Variants in FER1L6 observed in about 807,000 individuals in gnomAD.
FER1L6 encodes the protein fer-1 like family member 6.
A neutral mutation model predicts 219.2 loss-of-function variants in FER1L6; 177 were observed. The ratio of observed to expected loss-of-function variants is 0.81; its 90% CI spans 0.71 to 0.91. The LOEUF (loss-of-function observed/expected upper bound fraction) is 0.91, where lower values mean the gene tolerates loss of function less well. Ranked by LOEUF, FER1L6 falls within the 40% of genes least tolerant of loss-of-function variation. FER1L6 has a pLI of 0.00. For synonymous variants in FER1L6, 768 were observed against 824.3 expected, an observed-to-expected ratio of 0.93 and a Z score of 1.17; for missense variants, 2,153 against 2,259.9, an observed-to-expected ratio of 0.95 and a Z score of 0.96.
At chr8:124,003,434 C>T (rs1817508792) in intron 13 of FER1L6, 87 bp downstream of exon 13, 2 of 311,792 alleles carry the variant, frequency 6.4e-6, no homozygotes, top group Non-Finnish European at 6.1e-6. Flanking sequence ...CAGTTCTTCA[C>T]TAAAATCAGA....
intron 1 of FER1L6, among the ~76,000 whole-genome samples, chr8:123,953,193 G>A (rs994734963): frequency 6.6e-6 from 1 of 152,156 alleles, no homozygotes; most frequent in Non-Finnish European, 1.5e-5. Context: ...TGGGAGTCAT[G>A]CTGGGTGTGC....
chr8:124,031,842 G>A (rs557098182), intron 18 of FER1L6, among the ~76,000 whole-genome samples: 2 of 152,300 alleles, frequency 1.3e-5, no homozygotes, highest in East Asian at 3.9e-4. Flanking sequence ...AATTAAAAAT[G>A]GGATCCTGTT....
chr8:123,938,971 T>TTA (rs1412954789), intron 1 of FER1L6, among the ~76,000 whole-genome samples: 1 of 152,266 alleles, frequency 6.6e-6, no homozygotes, highest in Non-Finnish European at 1.5e-5. Context: ...AAGAGTACAC[T>TTA]GTTCGAGGGT....
chr8:124,035,218 G>T, intron 18 of FER1L6, 59 bp from the exon 19 acceptor site: 1 of 1,547,024 alleles, frequency 6.5e-7, no homozygotes, highest in Non-Finnish European at 8.8e-7. Flanking sequence ...TTTCTCAAAA[G>T]GGGAGGCCTA....
chr8:124,024,553 T>C (rs1818621441), intron 18 of FER1L6, among the ~76,000 whole-genome samples: 1 of 152,218 alleles, frequency 6.6e-6, no homozygotes, highest in South Asian at 2.1e-4. Context: ...TTTTTATGAC[T>C]GAGTCATATT....
At chr8:124,060,382 G>A (rs368420633) in intron 23 of FER1L6, 92 bp downstream of exon 23, 2 of 1,432,168 alleles carry the variant, frequency 1.4e-6, no homozygotes, top group Middle Eastern at 1.8e-4. Flanking sequence ...GAATGGGCGG[G>A]AGACCTAGAG....
Position 124,066,432 on chromosome 8 carries a change from C to A in FER1L6, c.3560C>A (p.Pro1187His). Residue 1187 changes from proline to histidine, a missense_variant, in exon 27 of 41, where the codon CCC becomes CAC. Transcript: ENST00000522917. ...EPPKDGKPKD[P>H]RKPSRRSTKR... ...CATTCCCTCATCCCTTGCCAGGATC[C>A]CAGGAAGCCTTCCCGGAGGTCCACT... 6.2e-7 allele frequency: 1 copy of A among 1,613,566 alleles called. No individual in the cohort carries two copies. The highest frequency in any genetic ancestry group is 2.2e-5 in the East Asian group (1 of 44,854).
intron 1 of FER1L6, among the ~76,000 whole-genome samples, chr8:123,953,869 G>A (rs1563704703): frequency 6.6e-6 from 1 of 152,142 alleles, no homozygotes; most frequent in Non-Finnish European, 1.5e-5. Flanking sequence ...TAGGTCCCTG[G>A]CTTGGGAACG....
chr8:124,052,122 A>G (rs1220577020), intron 22 of FER1L6, among the ~76,000 whole-genome samples: 1 of 152,262 alleles, frequency 6.6e-6, no homozygotes, highest in East Asian at 1.9e-4. Flanking sequence ...TGTGTTGCAC[A>G]GTAAAATGGA....
intron 1 of FER1L6, among the ~76,000 whole-genome samples, chr8:123,878,124 A>G (rs1337931499): frequency 6.6e-6 from 1 of 152,108 alleles, no homozygotes; most frequent in Non-Finnish European, 1.5e-5. Context: ...AAACAGCTGG[A>G]AGAAGGGGGC....
chr8:123,907,799 A>AG (rs75938451), intron 1 of FER1L6, among the ~76,000 whole-genome samples: 151,345 of 151,346 alleles, frequency 1, 75,672 homozygotes, highest in Non-Finnish European at 1. Flanking sequence ...CATAGGAAGG[A>AG]GTTCAAACAA....
At chr8:123,996,511 A>T (rs989970345) in intron 12 of FER1L6, among the ~76,000 whole-genome samples, 2 of 151,742 alleles carry the variant, frequency 1.3e-5, no homozygotes, top group African/African-American at 4.8e-5. Context: ...CTCAGTCTCT[A>T]TGTGTATTTA....
intron 13 of FER1L6, among the ~76,000 whole-genome samples, chr8:124,009,968 T>C (rs1817842564): frequency 6.6e-6 from 1 of 151,870 alleles, no homozygotes. Flanking sequence ...AGGAGCAATG[T>C]TGTCGTAGTT....
rs79415397 is a variant in FER1L6 at position 124,015,251 on chromosome 8, G to A, written c.1922+1720G>A. On this transcript the variant is annotated intron_variant, in intron 15 of 40. Coordinates refer to ENST00000522917, the MANE Select transcript of FER1L6 (RefSeq NM_001039112.2). The stretch of plus-strand genomic sequence containing the variant: ...AGGCCCAGCCCACCTTCAAAGGGAG[G>A]GGATTACACAGTGGCATGAATTGCA... Among the ~76,000 whole-genome samples the A allele has an allele frequency of 3.7e-3, 562 of 152,212 alleles. 8 individuals are homozygous for A. The East Asian group carries it at 0.052, about 14-fold the overall frequency.
chr8:123,994,515 G>A (rs936887509), intron 12 of FER1L6, among the ~76,000 whole-genome samples: 1 of 152,102 alleles, frequency 6.6e-6, no homozygotes. Context: ...TTTCACCCAC[G>A]GTATTCCACC....
At chr8:123,953,939 C>T (rs1478528205) in intron 1 of FER1L6, among the ~76,000 whole-genome samples, 4 of 152,112 alleles carry the variant, frequency 2.6e-5, no homozygotes, top group Non-Finnish European at 5.9e-5. Flanking sequence ...GTATGTTCTC[C>T]AGAGATTCCT....
At chr8:124,098,783 T>C (rs1487161896) in intron 37 of FER1L6, among the ~76,000 whole-genome samples, 2 of 152,190 alleles carry the variant, frequency 1.3e-5, no homozygotes, top group African/African-American at 4.8e-5. Context: ...TTCCAGAAGC[T>C]GACCTTCTGG....
chr8:124,118,114 C>T (rs952091388), intron 39 of FER1L6, among the ~76,000 whole-genome samples: 3 of 152,158 alleles, frequency 2.0e-5, no homozygotes, highest in Admixed American at 2.0e-4. Context: ...GCTCTAGTGC[C>T]TAGAACAGTG....
At chr8:124,018,933 G>A (rs957434109) in intron 16 of FER1L6, among the ~76,000 whole-genome samples, 3 of 152,144 alleles carry the variant, frequency 2.0e-5, no homozygotes, top group Non-Finnish European at 4.4e-5. Context: ...ACTCTGGAAC[G>A]AACTCCACTT....
Sources: gnomAD v4.1 joint callset for allele counts (sites outside exome capture counted in the v4.1 genomes callset) on GRCh38, gnomAD v4.1.1 for gene constraint, MANE v1.5 for transcripts, NCBI Gene and HGNC (gene_info 2026-07-23, HGNC 2026-07-21) for gene names.